Variants in FKBP5 observed in about 807,000 individuals in gnomAD.
FKBP5 encodes the protein peptidyl-prolyl cis-trans isomerase FKBP5.
Under a neutral mutation model 50.5 loss-of-function variants are expected in FKBP5, and 23 were observed. The observed-to-expected ratio is 0.46, with a 90% CI of 0.33 to 0.65. The LOEUF (loss-of-function observed/expected upper bound fraction) is 0.65, where lower values mean the gene tolerates loss of function less well. Among genes scored for constraint, FKBP5 ranks in the 30% least tolerant of loss-of-function variants. FKBP5 has a pLI of 0.02. For missense variants in FKBP5, 411 were observed against 553.1 expected (o/e 0.74, Z 2.58); for synonymous variants, 176 against 190.6 (o/e 0.92, Z 0.63).
intron 6 of FKBP5, among the ~76,000 whole-genome samples, chr6:35,592,879 G>T (rs1217848861): frequency 6.6e-6 from 1 of 152,204 alleles, no homozygotes; most frequent in Non-Finnish European, 1.5e-5. Context: ...TATGACCAAG[G>T]ATTAGCAAGC....
chr6:35,618,521 GAC>G (rs1763725733), intron 5 of FKBP5, among the ~76,000 whole-genome samples: 1 of 151,604 alleles, frequency 6.6e-6, no homozygotes, highest in Admixed American at 6.6e-5. Context: ...ACAGGGACGT[GAC>G]ACCACACTTG....
chr6:35,596,184 G>T (rs771585577), intron 6 of FKBP5, among the ~76,000 whole-genome samples: 2 of 152,038 alleles, frequency 1.3e-5, no homozygotes, highest in Non-Finnish European at 2.9e-5. Flanking sequence ...GTGAAACCTC[G>T]TCTCTACTAG....
chr6:35,668,163 A>G lies in FKBP5; in HGVS notation c.-20+20641T>C, dbSNP rs374229791. Among the ~76,000 whole-genome samples, 4 of 152,360 alleles carry G rather than the reference A, an allele frequency of 2.6e-5. No homozygotes were observed. The East Asian group carries it at 7.7e-4, about 29-fold the overall frequency. On this transcript the variant is annotated intron_variant, in intron 1 of 10. Transcript: ENST00000357266. ...CCTCTATGGCAACAGCAGATCAGCCACTGCATAAAATCCAACTCTTCTTCC... is the reference window on the plus strand; with the variant it reads ...CCTCTATGGCAACAGCAGATCAGCCGCTGCATAAAATCCAACTCTTCTTCC...
At chr6:35,590,888 TAAA>T (rs199896008) in intron 7 of FKBP5, among the ~76,000 whole-genome samples, 3 of 131,162 alleles carry the variant, frequency 2.3e-5, no homozygotes. Context: ...CCAAAAAAGT[TAAA>T]AAAAAAAAAA....
intron 5 of FKBP5, among the ~76,000 whole-genome samples, chr6:35,613,188 C>G (rs570521120): frequency 6.6e-6 from 1 of 152,026 alleles, no homozygotes; most frequent in Non-Finnish European, 1.5e-5. Context: ...ACTCTATAGC[C>G]GGCTTTAGTT....
intron 1 of FKBP5, among the ~76,000 whole-genome samples, chr6:35,723,719 AC>A (rs1488634732): frequency 1.3e-5 from 2 of 152,238 alleles, no homozygotes; most frequent in Non-Finnish European, 2.9e-5. Flanking sequence ...AGAGACCAGG[AC>A]AGACCAACTA....
intron 1 of FKBP5, among the ~76,000 whole-genome samples, chr6:35,653,790 G>C (rs1472544796): frequency 1.3e-5 from 2 of 152,122 alleles, no homozygotes; most frequent in Admixed American, 1.3e-4. Context: ...GACAGGACAA[G>C]TGGATTAAAA....
At chr6:35,705,969 G>T (rs1766305875) in intron 2 of FKBP5, among the ~76,000 whole-genome samples, 4 of 152,156 alleles carry the variant, frequency 2.6e-5, no homozygotes, top group Admixed American at 2.6e-4. Context: ...AATTATCCAG[G>T]TGTGGTGGCT....
At position 35,637,164 on chromosome 6, in the gene FKBP5, A is replaced by G; in HGVS notation, c.106-6T>C. ...TTCCCCACTCTTTTGACAATCTAGA[A>G]AAGACAAACATTAAGAAAAAGGAGG... On this transcript the variant is annotated splice_region_variant and splice_polypyrimidine_tract_variant and intron_variant, in intron 2 of 10. Transcript: ENST00000357266. The G allele has an allele frequency of 6.2e-7, 1 of 1,602,006 alleles. No homozygotes were observed. Among genetic ancestry groups the G allele is most frequent in the Non-Finnish European group, 8.5e-7 (1 of 1,177,530 alleles).
chr6:35,634,512 C>T (rs962539844), intron 3 of FKBP5, among the ~76,000 whole-genome samples: 5 of 152,044 alleles, frequency 3.3e-5, no homozygotes, highest in Admixed American at 6.6e-5. Context: ...CACAGCTGGA[C>T]GGGAAGCAGA....
upstream of FKBP5, among the ~76,000 whole-genome samples, chr6:35,693,833 T>C (rs958169843): frequency 1.3e-5 from 2 of 152,160 alleles, no homozygotes; most frequent in African/African-American, 4.8e-5. Context: ...TATTTGGTTC[T>C]TTTTCAAATC....
At chr6:35,594,004 C>T (rs1762901846) in intron 6 of FKBP5, among the ~76,000 whole-genome samples, 1 of 152,032 alleles carries the variant, frequency 6.6e-6, no homozygotes, top group Non-Finnish European at 1.5e-5. Flanking sequence ...GATATTGTCC[C>T]AATGAGGAGA....
chr6:35,705,900 A>C (rs1020462228), intron 2 of FKBP5, among the ~76,000 whole-genome samples: 2 of 152,242 alleles, frequency 1.3e-5, no homozygotes, highest in East Asian at 1.9e-4. Flanking sequence ...ACTTGAGGCC[A>C]GGAGTTAGAG....
At chr6:35,722,141 T>C (rs1021431416) in intron 1 of FKBP5, among the ~76,000 whole-genome samples, 1 of 152,088 alleles carries the variant, frequency 6.6e-6, no homozygotes, top group Non-Finnish European at 1.5e-5. Flanking sequence ...TCTTTGCACA[T>C]ATTGTGATCT....
intron 2 of FKBP5, among the ~76,000 whole-genome samples, chr6:35,694,831 C>T (rs1766057481): frequency 6.6e-6 from 1 of 152,122 alleles, no homozygotes. Flanking sequence ...AATTTAGTGG[C>T]TTAAAACGAT....
intron 2 of FKBP5, among the ~76,000 whole-genome samples, chr6:35,713,387 A>G (rs1766450166): frequency 6.6e-6 from 1 of 152,194 alleles, no homozygotes; most frequent in Non-Finnish European, 1.5e-5. Flanking sequence ...GCTAATGTCT[A>G]CTAGGCACTT....
intron 1 of FKBP5, among the ~76,000 whole-genome samples, chr6:35,662,549 GC>G (rs1695425546): frequency 6.6e-6 from 1 of 151,726 alleles, no homozygotes; most frequent in African/African-American, 2.4e-5. Flanking sequence ...CTCCCAAAGT[GC>G]TGGGATTACA....
intron 2 of FKBP5, among the ~76,000 whole-genome samples, chr6:35,694,385 G>C (rs1766050123): frequency 6.6e-6 from 1 of 152,120 alleles, no homozygotes; most frequent in Middle Eastern, 3.2e-3. Flanking sequence ...GGCTTCAAGT[G>C]ATCCTCTTGC....
At chr6:35,676,705 T>A (rs1367695892) in intron 1 of FKBP5, among the ~76,000 whole-genome samples, 1 of 152,246 alleles carries the variant, frequency 6.6e-6, no homozygotes, top group African/African-American at 2.4e-5. Context: ...GGCAATATAG[T>A]ATTTCATTCC....
Sources: allele counts gnomAD v4.1 joint callset (sites outside exome capture counted in the v4.1 genomes callset), GRCh38; gene constraint gnomAD v4.1.1; transcripts MANE v1.5; gene names NCBI Gene and HGNC (gene_info 2026-07-23, HGNC 2026-07-21).